Variants in CRADD observed in about 807,000 individuals in gnomAD.
The protein encoded by CRADD is death domain-containing protein CRADD.
A neutral mutation model predicts 15.5 loss-of-function variants in CRADD; 9 were observed. The observed-to-expected ratio is 0.58, with a 90% CI of 0.35 to 1.01. The LOEUF (loss-of-function observed/expected upper bound fraction) is 1.01, where lower values mean the gene tolerates loss of function less well. Ranked by LOEUF, CRADD falls within the 50% of genes least tolerant of loss-of-function variation. CRADD has a pLI of 0.02. For synonymous variants in CRADD, 118 were observed against 107.6 expected (o/e 1.10, Z -0.60); for missense variants, 227 against 250.3 (o/e 0.91, Z 0.63).
chr12:93,695,011 C>T (rs1352590128), intron 2 of CRADD, among the ~76,000 whole-genome samples: 1 of 152,202 alleles, frequency 6.6e-6, no homozygotes, highest in Non-Finnish European at 1.5e-5. Context: ...CCAAAGCAGT[C>T]TTGAGCAAAG....
intron 2 of CRADD, among the ~76,000 whole-genome samples, chr12:93,787,287 G>A (rs1592990055): frequency 7.2e-6 from 1 of 138,906 alleles, no homozygotes; most frequent in Non-Finnish European, 1.5e-5. Flanking sequence ...AGCCAGGACT[G>A]TAAAGTAGTA....
chr12:93,727,025 C>G (rs1956380346), intron 2 of CRADD, among the ~76,000 whole-genome samples: 1 of 152,180 alleles, frequency 6.6e-6, no homozygotes, highest in African/African-American at 2.4e-5. Context: ...ATGATTGCAT[C>G]TTTCAGCAAC....
At chr12:93,840,769 G>A (rs1958038135) in intron 2 of CRADD, among the ~76,000 whole-genome samples, 1 of 151,984 alleles carries the variant, frequency 6.6e-6, no homozygotes, top group Admixed American at 6.5e-5. Context: ...GTTTCTCCAT[G>A]TTGGTCAGGC....
intron 2 of CRADD, among the ~76,000 whole-genome samples, chr12:93,789,912 A>T (rs1457136972): frequency 6.6e-6 from 1 of 152,130 alleles, no homozygotes; most frequent in Non-Finnish European, 1.5e-5. Flanking sequence ...CCCTCCACAG[A>T]TGTCTTGTTG....
At chr12:93,842,383 A>C (rs1958059341) in intron 2 of CRADD, among the ~76,000 whole-genome samples, 2 of 152,184 alleles carry the variant, frequency 1.3e-5, no homozygotes, top group Admixed American at 1.3e-4. Flanking sequence ...TTTTTCTGGA[A>C]CAGATGAAGT....
At chr12:93,766,063 T>C (rs909186622) in intron 2 of CRADD, among the ~76,000 whole-genome samples, 1 of 152,242 alleles carries the variant, frequency 6.6e-6, no homozygotes, top group South Asian at 2.1e-4. Context: ...ATTATTCATA[T>C]TTGAAGGGAA....
At chr12:93,734,059 C>A (rs182505419) in intron 2 of CRADD, among the ~76,000 whole-genome samples, 80 of 151,842 alleles carry the variant, frequency 5.3e-4, no homozygotes, top group African/African-American at 1.8e-3. Flanking sequence ...TTCCCTTCCT[C>A]CCTCCTTCCC....
intron 2 of CRADD, among the ~76,000 whole-genome samples, chr12:93,800,830 T>C (rs2136996577): frequency 6.6e-6 from 1 of 152,140 alleles, no homozygotes; most frequent in East Asian, 1.9e-4. Flanking sequence ...TACAGACACA[T>C]CCGAAAATAA....
intron 2 of CRADD, among the ~76,000 whole-genome samples, chr12:93,844,084 TTTAC>T (rs1485024374): frequency 6.6e-6 from 1 of 152,242 alleles, no homozygotes; most frequent in Non-Finnish European, 1.5e-5. Flanking sequence ...TGCATTTTAA[TTTAC>T]TTATTGTGAT....
At chr12:93,742,372 C>G (rs950273457) in intron 2 of CRADD, among the ~76,000 whole-genome samples, 1 of 151,382 alleles carries the variant, frequency 6.6e-6, no homozygotes, top group African/African-American at 2.4e-5. Flanking sequence ...GATAAGCCAG[C>G]GCTTGGCCGG....
At chr12:93,759,788 A>G (rs751435723) in intron 2 of CRADD, among the ~76,000 whole-genome samples, 1 of 152,238 alleles carries the variant, frequency 6.6e-6, no homozygotes, top group Non-Finnish European at 1.5e-5. Context: ...GAAAATATGT[A>G]GCTATTAATA....
At chr12:93,767,211 A>G (rs1468518294) in intron 2 of CRADD, among the ~76,000 whole-genome samples, 1 of 152,208 alleles carries the variant, frequency 6.6e-6, no homozygotes. Context: ...TTTATTTATG[A>G]TTTGTTCGTA....
intron 2 of CRADD, among the ~76,000 whole-genome samples, chr12:93,819,992 T>C (rs1183224647): frequency 6.6e-6 from 1 of 152,196 alleles, no homozygotes. Flanking sequence ...TCAAAAGTCA[T>C]CTCTGCTTCC....
chr12:93,838,563 TC>T (rs771910079), intron 2 of CRADD, among the ~76,000 whole-genome samples: 16,595 of 139,742 alleles, frequency 0.12, 1,171 homozygotes, highest in African/African-American at 0.19. Flanking sequence ...TCTTTCTCTC[TC>T]TTTTTTTTTT....
chr12:93,766,583 A>T lies in CRADD; in HGVS notation c.299-83387A>T, dbSNP rs184681383. ...CTATGCCCTGCAGTCCCTTTACTGA[A>T]TTGGCAGTGCTCCTAATGCTTTTCT... On this transcript the variant is annotated intron_variant, in intron 2 of 2. Coordinates refer to ENST00000332896, the MANE Select transcript of CRADD (RefSeq NM_003805.5). 1.6e-4 allele frequency among the ~76,000 whole-genome samples: 25 copies of T among 152,272 alleles called. No homozygotes were observed. The East Asian group carries it at 2.5e-3, about 15-fold the overall frequency.
intron 2 of CRADD, among the ~76,000 whole-genome samples, chr12:93,870,534 C>A (rs1482156648): frequency 6.6e-6 from 1 of 152,128 alleles, no homozygotes; most frequent in Non-Finnish European, 1.5e-5. Context: ...GTAGACATGG[C>A]CAAGAGGAAC....
intron 2 of CRADD, among the ~76,000 whole-genome samples, chr12:93,728,325 C>G (rs145112252): frequency 1.2e-3 from 181 of 152,256 alleles, no homozygotes; most frequent in African/African-American, 4.2e-3. Context: ...ATAAACTTAA[C>G]AGAAATTGGG....
chr12:93,786,280 A>G (rs1389027639), intron 2 of CRADD, among the ~76,000 whole-genome samples: 1 of 152,228 alleles, frequency 6.6e-6, no homozygotes, highest in East Asian at 1.9e-4. Flanking sequence ...TAACAGACCT[A>G]AATTTGAACC....
chr12:93,731,905 G>A (rs1956471551), intron 2 of CRADD, among the ~76,000 whole-genome samples: 1 of 152,176 alleles, frequency 6.6e-6, no homozygotes, highest in African/African-American at 2.4e-5. Context: ...GGGAGGCTGA[G>A]GCAGGCAGAT....
Sources: gnomAD v4.1 joint callset for allele counts (sites outside exome capture counted in the v4.1 genomes callset) on GRCh38, gnomAD v4.1.1 for gene constraint, MANE v1.5 for transcripts, NCBI Gene and HGNC (gene_info 2026-07-23, HGNC 2026-07-21) for gene names.